Variants in TEX11 observed in about 807,000 individuals in gnomAD.
TEX11 encodes the protein testis-expressed protein 11.
TEX11 carries 7 observed loss-of-function variants against 84.4 expected under a neutral mutation model. That is an observed-to-expected ratio of 0.08 (90% CI 0.05 to 0.16). The LOEUF (loss-of-function observed/expected upper bound fraction) is 0.16. Ranked by LOEUF, TEX11 falls within the 10% of genes least tolerant of loss-of-function variation. TEX11 has a pLI of 1.00. For missense variants in TEX11, 551 were observed against 660.5 expected (o/e 0.83, Z 1.82); for synonymous variants, 264 against 222.8 (o/e 1.18, Z -1.64).
intron 17 of TEX11, among the ~76,000 whole-genome samples, chrX:70,648,651 T>A (rs954123329): frequency 2.7e-5 from 3 of 111,125 alleles, no homozygotes; most frequent in African/African-American, 9.8e-5. Context: ...ATTAGGGAAA[T>A]GCTAATGCCA....
intron 5 of TEX11, among the ~76,000 whole-genome samples, chrX:70,854,812 G>A (rs2091526777): frequency 9.1e-6 from 1 of 109,426 alleles, no homozygotes; most frequent in Middle Eastern, 4.7e-3. Context: ...TTGGGAGGCC[G>A]AGGTGGACGA....
intron 7 of TEX11, among the ~76,000 whole-genome samples, chrX:70,845,644 A>C (rs1013725016): frequency 1.8e-5 from 2 of 110,077 alleles, no homozygotes; most frequent in African/African-American, 6.6e-5. Context: ...CCTGGCCAAC[A>C]TGGCAAAATT....
chrX:70,716,592 T>C lies in TEX11; in HGVS notation c.1004+6026A>G, dbSNP rs1223690224. Among the ~76,000 whole-genome samples, 3 of 112,597 alleles carry C rather than the reference T, an allele frequency of 2.7e-5. No homozygotes were observed. The East Asian group carries it at 8.4e-4, about 31-fold the overall frequency. ...GTGGGCGTAGGACCCTCCAAACCAT[T>C]CGCGGGATATAATCTCCTGGTGTGC... On this transcript the variant is annotated intron_variant, in intron 13 of 29. Transcript: ENST00000374333.
chrX:70,642,002 C>A (rs1355321385), intron 17 of TEX11, among the ~76,000 whole-genome samples: 1 of 109,513 alleles, frequency 9.1e-6, no homozygotes, highest in South Asian at 4.0e-4. Flanking sequence ...AAAGGATCAA[C>A]AAAATTGATA....
At chrX:70,590,848 A>G (rs1469402131) in intron 25 of TEX11, among the ~76,000 whole-genome samples, 1 of 111,494 alleles carries the variant, frequency 9.0e-6, no homozygotes, top group African/African-American at 3.3e-5. Flanking sequence ...CCTGGGTTCA[A>G]GAGATTCAAG....
chrX:70,904,172 T>C (rs1412298669), intron 2 of TEX11, among the ~76,000 whole-genome samples: 2 of 109,960 alleles, frequency 1.8e-5, no homozygotes, highest in Non-Finnish European at 3.8e-5. Context: ...TGGTGTTATG[T>C]CAATTCTCCC....
chrX:70,881,108 A>G (rs2091681174), intron 2 of TEX11, among the ~76,000 whole-genome samples: 1 of 109,025 alleles, frequency 9.2e-6, no homozygotes, highest in East Asian at 2.8e-4. Flanking sequence ...CAGGCAGATC[A>G]CTTCAGGCCA....
At chrX:70,750,921 TAAAAAA>T (rs1181422597) in intron 9 of TEX11, among the ~76,000 whole-genome samples, 3 of 35,353 alleles carry the variant, frequency 8.5e-5, no homozygotes, top group Admixed American at 3.6e-4. Flanking sequence ...TAAAGTATAA[TAAAAAA>T]AAAAAAATAT....
chrX:70,546,794 C>A (rs1462243221), intron 28 of TEX11, among the ~76,000 whole-genome samples: 1 of 110,665 alleles, frequency 9.0e-6, no homozygotes, highest in Non-Finnish European at 1.9e-5. Flanking sequence ...CTTTGGCAAA[C>A]AGACTGCAGC....
chrX:70,801,629 CTT>C (rs1413918085), intron 9 of TEX11, among the ~76,000 whole-genome samples: 1 of 2,473 alleles, frequency 4.0e-4, no homozygotes, highest in African/African-American at 4.5e-3. Context: ...CTTTTATTTT[CTT>C]TCTTTCTTTC....
At chrX:70,743,871 A>AACACAC (rs60520158) in intron 10 of TEX11, among the ~76,000 whole-genome samples, 3,351 of 87,632 alleles carry the variant, frequency 0.038, 74 homozygotes, top group East Asian at 0.12. Flanking sequence ...TCTATCTCAA[A>AACACAC]ACACACACAC....
the TEX11 span, among the ~76,000 whole-genome samples, chrX:70,513,616 C>G: frequency 1.9e-5 from 2 of 106,730 alleles, no homozygotes; most frequent in East Asian, 5.8e-4. Flanking sequence ...ATCCTCCCAC[C>G]TCAGCCTCTG....
intron 13 of TEX11, 110 bp from the exon 14 acceptor site, chrX:70,682,935 C>T: frequency 1.5e-6 from 1 of 675,624 alleles, no homozygotes; most frequent in Non-Finnish European, 2.2e-6. Flanking sequence ...AAAAGCATAT[C>T]TGAACTCAGG....
At chrX:70,511,545 AAGTTC>A in the TEX11 span, among the ~76,000 whole-genome samples, 9 of 105,863 alleles carry the variant, frequency 8.5e-5, no homozygotes, top group South Asian at 8.0e-4. Flanking sequence ...ACAAGGTCAG[AAGTTC>A]GAGACCAAAT....
chrX:70,697,381 G>T (rs770070399), intron 13 of TEX11, among the ~76,000 whole-genome samples: 43 of 111,763 alleles, frequency 3.8e-4, no homozygotes, highest in Non-Finnish European at 7.0e-4. Flanking sequence ...GTCTGAGGTC[G>T]CATGGTCATT....
At chrX:70,568,665 A>G (rs1233705623) in intron 25 of TEX11, among the ~76,000 whole-genome samples, 18 of 110,614 alleles carry the variant, frequency 1.6e-4, no homozygotes, top group Non-Finnish European at 1.9e-5. Context: ...TCACTTATGA[A>G]GCTTAGTTTG....
chrX:70,611,282 A>G (rs1180145771), intron 20 of TEX11, among the ~76,000 whole-genome samples: 1 of 112,262 alleles, frequency 8.9e-6, no homozygotes, highest in Non-Finnish European at 1.9e-5. Context: ...ATAAGAGACG[A>G]GAGGAAAAAG....
intron 9 of TEX11, among the ~76,000 whole-genome samples, chrX:70,791,137 T>G (rs1442076174): frequency 9.0e-6 from 1 of 110,828 alleles, no homozygotes; most frequent in African/African-American, 3.3e-5. Context: ...ATCTCACATG[T>G]AATGACACCT....
intron 24 of TEX11, among the ~76,000 whole-genome samples, chrX:70,603,715 A>G (rs1418389899): frequency 9.0e-6 from 1 of 111,314 alleles, no homozygotes; most frequent in African/African-American, 3.3e-5. Context: ...ATCTAATTAA[A>G]CTAAAGAGCT....
Sources: gnomAD v4.1 joint callset for allele counts (sites outside exome capture counted in the v4.1 genomes callset) on GRCh38, gnomAD v4.1.1 for gene constraint, MANE v1.5 for transcripts, NCBI Gene and HGNC (gene_info 2026-07-23, HGNC 2026-07-21) for gene names.